RABL2B: variants seen among roughly 807,000 people sequenced by gnomAD.
RABL2B encodes rab-like protein 2B.
In RABL2B, 17 loss-of-function variants were observed where a neutral mutation model predicts 26.7. The observed-to-expected ratio is 0.64, with a 90% CI of 0.44 to 0.95. The LOEUF (loss-of-function observed/expected upper bound fraction) is 0.95. RABL2B is among the 40% of genes least tolerant of loss of function. The pLI is 0.00. For missense variants in RABL2B, 170 were observed against 277.2 expected (o/e 0.61, Z 2.75); for synonymous variants, 70 against 103.9 (o/e 0.67, Z 1.99).
chr22:50,768,036 C>T lies in RABL2B; in HGVS notation c.*740G>A, dbSNP rs1366795309. The T allele has an allele frequency of 8.0e-5, 22 of 275,088 alleles. No individual in the cohort carries two copies. Among genetic ancestry groups the T allele is most frequent in the Admixed American group, 1.6e-4 (3 of 19,136 alleles). The allele number at this position is 275,088 out of a possible 1,614,324, so 17.0% of individuals were successfully genotyped here. A position where few individuals can be genotyped will look rare whatever the true frequency, so the allele number is the denominator to read the frequency against. On this transcript the variant is annotated 3_prime_UTR_variant, in exon 9 of 9. Coordinates refer to ENST00000691320, the MANE Select transcript of RABL2B (RefSeq NM_001130919.3). The stretch of plus-strand genomic sequence containing the variant: ...TTGGGAGGCCGAGGCGGGCGGATCA[C>T]GAGGTGAGGAGATCGAGACCATCCT...
intron 6 of RABL2B, 114 bp from the exon 7 acceptor site, chr22:50,769,666 G>A (rs2083849605): frequency 1.9e-6 from 3 of 1,548,806 alleles, no homozygotes; most frequent in African/African-American, 1.4e-5. Context: ...GGGATGATTG[G>A]GAAACAGGTC....
chr22:50,767,715 A>G lies in RABL2B; in HGVS notation c.*1061T>C. Reference sequence around the variant, plus strand: ...CACAAGGTCCAAACTATTCCTCAAAAAAAAGGACAGCCTCTTTATGCTGAA... The same window carrying G: ...CACAAGGTCCAAACTATTCCTCAAAGAAAAGGACAGCCTCTTTATGCTGAA... On this transcript the variant is annotated 3_prime_UTR_variant, in exon 9 of 9. Coordinates refer to ENST00000691320, the MANE Select transcript of RABL2B (RefSeq NM_001130919.3). The G allele has an allele frequency of 2.2e-6, 1 of 455,072 alleles. No homozygotes were observed. The highest frequency in any genetic ancestry group is 4.4e-6 in the Non-Finnish European group (1 of 226,306). 28.2% of individuals were successfully genotyped at this position (455,072 alleles called of 1,614,324 possible).
In RABL2B at chr22:50,769,551, T is replaced by C. The variant is rs1555916670; in HGVS notation, c.411A>G (p.Ala137=). The C allele has an allele frequency of 5.0e-6, 8 of 1,611,258 alleles. No individual in the cohort carries two copies. Among genetic ancestry groups the C allele is most frequent in the Non-Finnish European group, 6.8e-6 (8 of 1,179,708 alleles). The part of the protein sequence containing the change: ...PCIVVANKID[A]DINVTQKSFN... ...AGCTTTTTTGGGTCACGTTTATGTC[T>C]GCTGTAGAGAGAAGGTAGGACATTG... is the stretch of plus-strand genomic sequence containing the variant. The change falls in exon 7 of 9, where the codon GCA becomes GCG. Residue 137 remains alanine, a splice_region_variant and synonymous_variant. Coordinates refer to ENST00000691320, the MANE Select transcript of RABL2B (RefSeq NM_001130919.3).
chr22:50,769,566 G>A lies in RABL2B; in HGVS notation c.410-14C>T. ...CGTTTATGTCTGCTGTAGAGAGAAG[G>A]TAGGACATTGGTCTGTCTGTCAAGG... On this transcript the variant is annotated splice_polypyrimidine_tract_variant and intron_variant, in intron 6 of 8. Coordinates refer to ENST00000691320, the MANE Select transcript of RABL2B (RefSeq NM_001130919.3). The A allele has an allele frequency of 1.9e-6, 3 of 1,610,052 alleles. No homozygotes were observed. The East Asian group carries it at 6.7e-5, about 36-fold the overall frequency.
chr22:50,770,895 A>G (rs1466388841), intron 5 of RABL2B, among the ~76,000 whole-genome samples: 5 of 139,262 alleles, frequency 3.6e-5, no homozygotes, highest in Non-Finnish European at 4.6e-5. Context: ...GCACGCATTA[A>G]TTTTTATTTT....
intron 2 of RABL2B, among the ~76,000 whole-genome samples, chr22:50,778,964 A>G (rs1380142053): frequency 6.6e-6 from 1 of 150,972 alleles, no homozygotes; most frequent in Non-Finnish European, 1.5e-5. Context: ...TATAAAGAAA[A>G]CACATCATCT....
intron 5 of RABL2B, chr22:50,772,431 C>G: frequency 1.0e-6 from 1 of 985,936 alleles, no homozygotes; most frequent in Non-Finnish European, 1.2e-6. Flanking sequence ...TACAGTGAGC[C>G]TTCATGCCCT....
intron 7 of RABL2B, 102 bp downstream of exon 7, chr22:50,769,353 C>G: frequency 6.2e-7 from 1 of 1,612,562 alleles, no homozygotes; most frequent in East Asian, 2.2e-5. Flanking sequence ...CATGCACTGT[C>G]CCGGTTCTCT....
At chr22:50,780,640 T>C (rs2085680925) in intron 2 of RABL2B, 1 of 469,918 alleles carries the variant, frequency 2.1e-6, no homozygotes, top group Admixed American at 2.4e-5. Flanking sequence ...GTTTCCACCA[T>C]GGTCTTTGTA....
chr22:50,780,267 T>A (rs1401749029), intron 2 of RABL2B, among the ~76,000 whole-genome samples: 7 of 150,806 alleles, frequency 4.6e-5, no homozygotes, highest in Non-Finnish European at 8.8e-5. Context: ...AAAGAAAGCC[T>A]GGTGACTGGG....
In RABL2B at chr22:50,776,409, CCT is replaced by C. The variant is rs1429837966; in HGVS notation, c.217+259_217+260del. ...TTCTTCCCTGAGGTGGGTACAGCCC[CCT>C]GACTTCTCCTTTCCTGAACCCTGTC... On this transcript the variant is annotated intron_variant, in intron 4 of 8. Coordinates refer to ENST00000691320, the MANE Select transcript of RABL2B (RefSeq NM_001130919.3). Among the ~76,000 whole-genome samples, 6 of 152,236 alleles carry C rather than the reference CCT, an allele frequency of 3.9e-5. No individual in the cohort carries two copies. The East Asian group carries it at 5.8e-4, about 15-fold the overall frequency.
chr22:50,769,987 A>G lies in RABL2B; in HGVS notation c.327T>C (p.Tyr109=), dbSNP rs1555917197. Residue 109 remains tyrosine, a synonymous_variant, in exon 6 of 9, where the codon TAT becomes TAC. Coordinates refer to ENST00000691320, the MANE Select transcript of RABL2B (RefSeq NM_001130919.3). ...CTGTATACCAGGTGCTCAGGTTCCT[A>G]TAGGTGACTTTCCTCTGTACATCAA... ...MVFDVQRKVT[Y]RNLSTWYTEL... 1.4e-5 allele frequency: 22 copies of G among 1,613,672 alleles called. No individual in the cohort carries two copies. In the Middle Eastern group the frequency reaches 4.9e-4, roughly 36 times the overall value.
chr22:50,772,494 A>C, intron 5 of RABL2B: 1 of 989,992 alleles, frequency 1.0e-6, no homozygotes, highest in Non-Finnish European at 1.2e-6. Context: ...TACAACAGTC[A>C]GTGGATTAAA....
intron 3 of RABL2B, among the ~76,000 whole-genome samples, chr22:50,777,095 G>A (rs1310101786): frequency 6.6e-6 from 1 of 152,176 alleles, no homozygotes; most frequent in Non-Finnish European, 1.5e-5. Context: ...AGCTTTCGCA[G>A]GCTAGAAAGG....
Position 50,768,308 on chromosome 22 carries a change from T to C in RABL2B, c.*468A>G, listed in dbSNP as rs559615959. 10 of 213,190 alleles carry C rather than the reference T, an allele frequency of 4.7e-5. No individual in the cohort carries two copies. Among genetic ancestry groups the C allele is most frequent in the Non-Finnish European group, 8.6e-5 (9 of 105,218 alleles). The allele number at this position is 213,190 out of a possible 1,614,324, so 13.2% of individuals were successfully genotyped here. On this transcript the variant is annotated 3_prime_UTR_variant, in exon 9 of 9. Transcript: ENST00000691320. ...AGAGGAAAAAAGATGGGAGAAAACG[T>C]AGGGAAAGGATGGGGCCTCACAGAC...
Position 50,783,518 on chromosome 22 carries a change from G to C in RABL2B, c.-71C>G, listed in dbSNP as rs1163703431. On this transcript the variant is annotated 5_prime_UTR_variant, in exon 1 of 9. Coordinates refer to ENST00000691320, the MANE Select transcript of RABL2B (RefSeq NM_001130919.3). ...GCCCTCACGTGCGGTTCCGAGTGAGGGCTGGAGAGACCAGGGACGCTGCGG... is the reference window on the plus strand; with the variant it reads ...GCCCTCACGTGCGGTTCCGAGTGAGCGCTGGAGAGACCAGGGACGCTGCGG... The C allele has an allele frequency of 6.6e-6, 1 of 152,244 alleles. No individual in the cohort carries two copies. Among genetic ancestry groups the C allele is most frequent in the Non-Finnish European group, 1.5e-5 (1 of 68,030 alleles). The allele number at this position is 152,244 out of a possible 1,614,324, so 9.4% of individuals were successfully genotyped here. A position where few individuals can be genotyped will look rare whatever the true frequency, so the allele number is the denominator to read the frequency against.
At chr22:50,780,879 G>A (rs2085719452) in intron 2 of RABL2B, among the ~76,000 whole-genome samples, 1 of 152,156 alleles carries the variant, frequency 6.6e-6, no homozygotes, top group South Asian at 2.1e-4. Flanking sequence ...TGTTATTAAA[G>A]TGGCAATTTG....
rs1437314157 is a variant in RABL2B at position 50,767,810 on chromosome 22, C to A, written c.*966G>T. 1 of 448,940 alleles carries A rather than the reference C, an allele frequency of 2.2e-6. No individual in the cohort carries two copies. The highest frequency in any genetic ancestry group is 4.4e-6 in the Non-Finnish European group (1 of 224,862). The allele number at this position is 448,940 out of a possible 1,614,324, so 27.8% of individuals were successfully genotyped here. A position where few individuals can be genotyped will look rare whatever the true frequency, so the allele number is the denominator to read the frequency against. On this transcript the variant is annotated 3_prime_UTR_variant, in exon 9 of 9. Coordinates refer to ENST00000691320, the MANE Select transcript of RABL2B (RefSeq NM_001130919.3). ...ACCTTGTGGTATGGCTGTAAGGACT[C>A]GATTTTACGGCTTGTGTATTCCTAA...
intron 2 of RABL2B, among the ~76,000 whole-genome samples, chr22:50,779,300 G>C (rs1277318665): frequency 4.6e-5 from 7 of 150,998 alleles, no homozygotes; most frequent in East Asian, 2.0e-4. Context: ...CTCAAAAACA[G>C]AGCAGGCCTA....
Sources: gnomAD v4.1 joint callset for allele counts (sites outside exome capture counted in the v4.1 genomes callset) on GRCh38, gnomAD v4.1.1 for gene constraint, MANE v1.5 for transcripts, NCBI Gene and HGNC (gene_info 2026-07-23, HGNC 2026-07-21) for gene names.